The following FBN1 variants were observed in gnomAD, a reference collection of about 807,000 sequenced individuals.
FBN1 encodes fibrillin-1.
A neutral mutation model predicts 365.1 loss-of-function variants in FBN1; 29 were observed. The observed-to-expected ratio is 0.08, with a 90% CI of 0.06 to 0.11. FBN1 has a LOEUF of 0.11. FBN1 is among the 10% of genes least tolerant of loss of function. The pLI is 1.00. For missense variants in FBN1, 2,476 were observed against 3,703.2 expected (o/e 0.67, Z 8.60); for synonymous variants, 1,210 against 1,270.5 (o/e 0.95, Z 1.01).
At chr15:48,620,037 G>T (rs563606408) in intron 2 of FBN1, among the ~76,000 whole-genome samples, 2 of 152,304 alleles carry the variant, frequency 1.3e-5, no homozygotes, top group East Asian at 3.9e-4. Flanking sequence ...GACTCAAGCT[G>T]CCCCTTTCCT....
intron 6 of FBN1, among the ~76,000 whole-genome samples, chr15:48,565,480 C>A (rs1252965853): frequency 6.6e-6 from 1 of 151,962 alleles, no homozygotes; most frequent in Non-Finnish European, 1.5e-5. Context: ...ATAACACAAT[C>A]ATGTGTTAGT....
At chr15:48,460,373 A>G (rs188381937) in intron 42 of FBN1, 56 bp from the exon 43 acceptor site, 1 of 1,058,104 alleles carries the variant, frequency 9.5e-7, no homozygotes, top group African/African-American at 1.6e-5. Context: ...AAGAACAATA[A>G]TTGGACTGAA....
At chr15:48,470,500 A>T in intron 36 of FBN1, 134 bp downstream of exon 36, 1 of 1,187,714 alleles carries the variant, frequency 8.4e-7, no homozygotes, top group Non-Finnish European at 1.2e-6. Flanking sequence ...GAGAAAAGGT[A>T]TCTGTGATTC....
chr15:48,470,175 G>A (rs1201539583), intron 36 of FBN1, among the ~76,000 whole-genome samples: 2 of 152,066 alleles, frequency 1.3e-5, no homozygotes, highest in East Asian at 3.9e-4. Context: ...TTATACACTA[G>A]AGATAGGTGG....
intron 2 of FBN1, chr15:48,643,238 T>C (rs1158590661): frequency 2.0e-5 from 3 of 152,240 alleles, no homozygotes; most frequent in Non-Finnish European, 4.4e-5. Context: ...GCCATGTGCC[T>C]TGCACACAGG....
chr15:48,540,578 C>G (rs1294066864), intron 6 of FBN1, among the ~76,000 whole-genome samples: 2 of 152,140 alleles, frequency 1.3e-5, no homozygotes, highest in African/African-American at 4.8e-5. Flanking sequence ...CATTATTACA[C>G]ATAGCATTCA....
At chr15:48,621,501 C>T (rs1282144026) in intron 2 of FBN1, among the ~76,000 whole-genome samples, 1 of 152,130 alleles carries the variant, frequency 6.6e-6, no homozygotes, top group Admixed American at 6.5e-5. Context: ...ATCTGACCAG[C>T]CCTTCTAAAA....
chr15:48,422,105 C>T (rs1055058995), intron 60 of FBN1, 37 bp from the exon 61 acceptor site: 3 of 1,429,046 alleles, frequency 2.1e-6, no homozygotes, highest in Non-Finnish European at 3.0e-6. Flanking sequence ...TGAGTCAAGC[C>T]AACAAAACAG....
chr15:48,440,463 A>C (rs1420369346), intron 50 of FBN1, among the ~76,000 whole-genome samples: 6 of 152,190 alleles, frequency 3.9e-5, no homozygotes, highest in Admixed American at 6.5e-5. Flanking sequence ...AAGGCACACA[A>C]AAACAAGGGA....
intron 6 of FBN1, among the ~76,000 whole-genome samples, chr15:48,557,649 G>A (rs2044191600): frequency 6.6e-6 from 1 of 152,096 alleles, no homozygotes; most frequent in Non-Finnish European, 1.5e-5. Flanking sequence ...GAGAAGGCTG[G>A]GCAAGATAGG....
At chr15:48,497,875 T>G (rs1275931180) in intron 18 of FBN1, among the ~76,000 whole-genome samples, 2 of 152,226 alleles carry the variant, frequency 1.3e-5, no homozygotes, top group Non-Finnish European at 2.9e-5. Context: ...AAGATAAAAC[T>G]AAAATATAAA....
intron 58 of FBN1, 76 bp from the exon 59 acceptor site, chr15:48,425,940 G>A (rs940801961): frequency 5.7e-5 from 65 of 1,138,004 alleles, no homozygotes; most frequent in Non-Finnish European, 7.7e-5. Flanking sequence ...TCACTTCAGT[G>A]TAAATACTAA....
intron 30 of FBN1, among the ~76,000 whole-genome samples, chr15:48,485,067 G>T (rs2043494204): frequency 1.3e-5 from 2 of 152,148 alleles, no homozygotes; most frequent in Non-Finnish European, 2.9e-5. Flanking sequence ...ACCTGGAGTT[G>T]CACTGAATTA....
chr15:48,535,473 G>C (rs2044006011), intron 7 of FBN1, among the ~76,000 whole-genome samples: 1 of 152,124 alleles, frequency 6.6e-6, no homozygotes, highest in Non-Finnish European at 1.5e-5. Flanking sequence ...TTGTTATAAA[G>C]ATTATAAAGT....
chr15:48,613,147 A>G, intron 2 of FBN1, 55 bp from the exon 3 acceptor site: 2 of 1,379,630 alleles, frequency 1.4e-6, no homozygotes, highest in Admixed American at 3.4e-5. Context: ...AGAGGAAGAG[A>G]TGGCCAAATA....
chr15:48,582,175 A>G (rs1485959207), intron 6 of FBN1, among the ~76,000 whole-genome samples: 1 of 152,228 alleles, frequency 6.6e-6, no homozygotes. Flanking sequence ...GAATTACAGG[A>G]AATTCAAGAA....
intron 9 of FBN1, among the ~76,000 whole-genome samples, chr15:48,522,022 A>G (rs1438759253): frequency 6.6e-6 from 1 of 152,176 alleles, no homozygotes; most frequent in African/African-American, 2.4e-5. Context: ...TGCCTCTGTC[A>G]GATCAGTGGC....
intron 17 of FBN1, among the ~76,000 whole-genome samples, chr15:48,503,524 T>C (rs2043680688): frequency 6.6e-6 from 1 of 152,192 alleles, no homozygotes; most frequent in South Asian, 2.1e-4. Flanking sequence ...CAAGGCAAGG[T>C]GCATGTATTG....
intron 2 of FBN1, among the ~76,000 whole-genome samples, chr15:48,633,227 G>T (rs137963323): frequency 2.1e-4 from 32 of 152,312 alleles, no homozygotes; most frequent in African/African-American, 7.2e-4. Context: ...GGAGTAGGCA[G>T]ATGTTTTACA....
Sources: allele counts gnomAD v4.1 joint callset (sites outside exome capture counted in the v4.1 genomes callset), GRCh38; gene constraint gnomAD v4.1.1; transcripts MANE v1.5; gene names NCBI Gene and HGNC (gene_info 2026-07-23, HGNC 2026-07-21).